The following ROCK1 variants were observed in gnomAD, a reference collection of about 807,000 sequenced individuals.
ROCK1 encodes the protein rho-associated protein kinase 1.
ROCK1 carries 36 observed loss-of-function variants against 196.8 expected under a neutral mutation model. The ratio of observed to expected loss-of-function variants is 0.18; its 90% CI spans 0.14 to 0.24. The LOEUF (loss-of-function observed/expected upper bound fraction) is 0.24. Among genes scored for constraint, ROCK1 ranks in the 10% least tolerant of loss-of-function variants. The probability of loss-of-function intolerance (pLI) is 1.00; values close to 1 mark genes in which losing one functional copy is unlikely to be tolerated. For missense variants in ROCK1, 920 were observed against 1,562.0 expected (o/e 0.59, Z 6.93); for synonymous variants, 443 against 515.9 (o/e 0.86, Z 1.91).
intron 13 of ROCK1, 60 bp downstream of exon 13, chr18:21,015,371 A>T: frequency 8.9e-7 from 1 of 1,128,646 alleles, no homozygotes; most frequent in Non-Finnish European, 1.3e-6. Context: ...TCAGGAAACG[A>T]AACAATTTGA....
intron 16 of ROCK1, among the ~76,000 whole-genome samples, chr18:20,998,384 AG>A (rs1333600606): frequency 6.6e-6 from 1 of 152,182 alleles, no homozygotes. Flanking sequence ...TACATCTTAA[AG>A]AACTAGAAAA....
At chr18:20,999,970 T>C (rs1327178984) in intron 16 of ROCK1, among the ~76,000 whole-genome samples, 2 of 152,158 alleles carry the variant, frequency 1.3e-5, no homozygotes, top group African/African-American at 4.8e-5. Flanking sequence ...CACAAAGTAA[T>C]CTACAGATTC....
intron 1 of ROCK1, among the ~76,000 whole-genome samples, chr18:21,086,747 AT>A (rs1200574378): frequency 3.3e-5 from 5 of 151,462 alleles, no homozygotes; most frequent in African/African-American, 1.2e-4. Context: ...TCAAACCGAA[AT>A]TCTACATCCA....
At position 20,983,362 on chromosome 18, in the gene ROCK1, A is replaced by T. The variant is rs73431087; in HGVS notation, c.2490-530T>A. ...CATCAGGTAAGAAGGGAAAGCAAGAACAACAAACTGACAAACAAGGAGGAA... is the reference window on the plus strand; with the variant it reads ...CATCAGGTAAGAAGGGAAAGCAAGATCAACAAACTGACAAACAAGGAGGAA... On this transcript the variant is annotated intron_variant, in intron 20 of 32. Coordinates refer to ENST00000399799, the MANE Select transcript of ROCK1 (RefSeq NM_005406.3). 6.5e-3 allele frequency among the ~76,000 whole-genome samples: 981 copies of T among 151,212 alleles called. 13 individuals are homozygous for T. Among genetic ancestry groups the T allele is most frequent in the African/African-American group, 0.023 (940 of 41,092 alleles).
chr18:21,020,073 G>A (rs1447519515), intron 12 of ROCK1, 78 bp downstream of exon 12: 2 of 760,022 alleles, frequency 2.6e-6, no homozygotes, highest in Non-Finnish European at 4.2e-6. Flanking sequence ...ACTTTCAGAT[G>A]TTTACAGGGT....
At chr18:21,076,243 C>T (rs1227025576) in intron 1 of ROCK1, among the ~76,000 whole-genome samples, 1 of 152,138 alleles carries the variant, frequency 6.6e-6, no homozygotes, top group African/African-American at 2.4e-5. Context: ...GTGGCTCATG[C>T]CTGTAATCCC....
chr18:21,030,087 G>A (rs1433131542), intron 9 of ROCK1, among the ~76,000 whole-genome samples: 1 of 152,070 alleles, frequency 6.6e-6, no homozygotes, highest in Non-Finnish European at 1.5e-5. Context: ...AACACAAGAG[G>A]GATATTAGGG....
intron 5 of ROCK1, among the ~76,000 whole-genome samples, 170 bp from the exon 6 acceptor site, chr18:21,044,356 T>G (rs1005013446): frequency 2.6e-5 from 4 of 152,234 alleles, no homozygotes; most frequent in Non-Finnish European, 2.9e-5. Context: ...AAGAAACTTC[T>G]TTATATGTTA....
At chr18:21,054,748 C>T (rs1320596681) in intron 2 of ROCK1, among the ~76,000 whole-genome samples, 6 of 152,082 alleles carry the variant, frequency 3.9e-5, no homozygotes, top group African/African-American at 1.4e-4. Context: ...CTTACAGTAC[C>T]TTGGCCTCTC....
chr18:21,093,870 C>T lies in ROCK1; in HGVS notation c.93+16948G>A, dbSNP rs574092080. Among the ~76,000 whole-genome samples the T allele has an allele frequency of 3.0e-4, 45 of 151,738 alleles. No individual in the cohort carries two copies. In the South Asian group the frequency reaches 6.2e-3, roughly 21 times the overall value. On this transcript the variant is annotated intron_variant, in intron 1 of 32. Transcript: ENST00000399799. ...ACTCGGGAGGCTGAGGCAGGAGGAT[C>T]GCTTGAACCTGGGAGGTGGAGGTTG... is the stretch of plus-strand genomic sequence containing the variant.
intron 22 of ROCK1, among the ~76,000 whole-genome samples, chr18:20,972,334 G>A (rs1244984791): frequency 6.6e-6 from 1 of 152,154 alleles, no homozygotes; most frequent in Non-Finnish European, 1.5e-5. Context: ...CAGTTCGCAA[G>A]GTCAGGGAAT....
At chr18:21,028,962 C>A in intron 9 of ROCK1, 27 bp from the exon 10 acceptor site, 1 of 1,597,718 alleles carries the variant, frequency 6.3e-7, no homozygotes, top group South Asian at 1.1e-5. Context: ...ATTAGTTGTT[C>A]ACTTCAAACT....
At chr18:21,013,075 A>G (rs529567810) in intron 13 of ROCK1, among the ~76,000 whole-genome samples, 14 of 152,206 alleles carry the variant, frequency 9.2e-5, no homozygotes, top group Non-Finnish European at 1.8e-4. Flanking sequence ...TACTTGTCAG[A>G]TAACTCTAAC....
intron 12 of ROCK1, among the ~76,000 whole-genome samples, chr18:21,015,990 A>C (rs2035859819): frequency 6.6e-6 from 1 of 152,046 alleles, no homozygotes; most frequent in Non-Finnish European, 1.5e-5. Context: ...AAAAAAAAAA[A>C]AGAAGCCAAT....
intron 1 of ROCK1, among the ~76,000 whole-genome samples, chr18:21,109,699 G>A (rs1177734682): frequency 1.3e-5 from 2 of 152,126 alleles, no homozygotes; most frequent in African/African-American, 2.4e-5. Flanking sequence ...ACCCATACAC[G>A]TGGAAAAATA....
chr18:20,982,146 G>T (rs1269355225), intron 21 of ROCK1, among the ~76,000 whole-genome samples: 2 of 152,206 alleles, frequency 1.3e-5, no homozygotes, highest in Admixed American at 1.3e-4. Flanking sequence ...GAAGCATATG[G>T]CAAGAAAGCA....
At chr18:21,056,611 T>C (rs2036247070) in intron 2 of ROCK1, among the ~76,000 whole-genome samples, 1 of 152,230 alleles carries the variant, frequency 6.6e-6, no homozygotes, top group Non-Finnish European at 1.5e-5. Context: ...ATTCTCAACA[T>C]AGGGTGATGT....
At chr18:21,057,052 T>C (rs375437161) in intron 2 of ROCK1, among the ~76,000 whole-genome samples, 1 of 152,250 alleles carries the variant, frequency 6.6e-6, no homozygotes, top group Non-Finnish European at 1.5e-5. Context: ...TCTTTTCCTA[T>C]GGCAGATTTT....
At chr18:20,970,234 A>G (rs1343474831) in intron 23 of ROCK1, 114 bp downstream of exon 23, 2 of 679,714 alleles carry the variant, frequency 2.9e-6, no homozygotes, top group Admixed American at 2.8e-5. Context: ...AATGACCACT[A>G]TGTATTAACA....
Sources: gnomAD v4.1 joint callset for allele counts (sites outside exome capture counted in the v4.1 genomes callset) on GRCh38, gnomAD v4.1.1 for gene constraint, MANE v1.5 for transcripts, NCBI Gene and HGNC (gene_info 2026-07-23, HGNC 2026-07-21) for gene names.